The following AGAP1 variants were observed in gnomAD, a reference collection of about 807,000 sequenced individuals.
The protein encoded by AGAP1 is arf-GAP with GTPase, ANK repeat and PH domain-containing protein 1.
Under a neutral mutation model 105.3 loss-of-function variants are expected in AGAP1, and 29 were observed. The ratio of observed to expected loss-of-function variants is 0.28; its 90% confidence interval spans 0.21 to 0.38. The LOEUF (loss-of-function observed/expected upper bound fraction) is 0.38, where lower values mean the gene tolerates loss of function less well. AGAP1 is among the 10% of genes least tolerant of loss of function. AGAP1 has a pLI of 1.00. For synonymous variants in AGAP1, 509 were observed against 485.9 expected, an observed-to-expected ratio of 1.05 and a Z score of -0.63; for missense variants, 998 against 1,165.1, an observed-to-expected ratio of 0.86 and a Z score of 2.09.
chr2:235,808,959 C>A (rs1040958218), intron 9 of AGAP1, among the ~76,000 whole-genome samples: 4 of 152,082 alleles, frequency 2.6e-5, no homozygotes, highest in African/African-American at 9.7e-5. Context: ...AATTTTTATG[C>A]CACTGATACC....
At position 235,981,559 on chromosome 2, in the gene AGAP1, G is replaced by A. The variant is rs903132822; in HGVS notation, c.1645+12936G>A. 1.5e-4 allele frequency among the ~76,000 whole-genome samples: 23 copies of A among 151,992 alleles called. No homozygotes were observed. The highest frequency in any genetic ancestry group is 4.8e-4 in the African/African-American group (20 of 41,384). ...CATTTAGTGATGCCTCTTTCAAAGA[G>A]GAAATCAATCACGAAACAGAAACTC... On this transcript the variant is annotated intron_variant, in intron 13 of 17. Transcript: ENST00000304032. The surrounding 1 kb of genome is among the most constrained non-coding windows in gnomAD (Gnocchi z 5.5).
chr2:236,052,100 A>C (rs1037346313), intron 16 of AGAP1, among the ~76,000 whole-genome samples: 1 of 152,152 alleles, frequency 6.6e-6, no homozygotes, highest in Non-Finnish European at 1.5e-5. Context: ...AACAGCTGGA[A>C]GGTTCTTTTA....
At position 236,042,965 on chromosome 2, in the gene AGAP1, T is replaced by A. The variant is rs575431417; in HGVS notation, c.1891+2124T>A. On this transcript the variant is annotated intron_variant, in intron 15 of 17. Coordinates refer to ENST00000304032, the MANE Select transcript of AGAP1 (RefSeq NM_001037131.3). The surrounding 1 kb of genome is among the most constrained non-coding windows in gnomAD (Gnocchi z 5.6). ...GTGGGCCCCACTTAAAGGGGAGGAA[T>A]TGAGGAGCCTGAAGGGTCAAGTCAT... 3.3e-5 allele frequency among the ~76,000 whole-genome samples: 5 copies of A among 152,274 alleles called. No homozygotes were observed. Among genetic ancestry groups the A allele is most frequent in the Admixed American group, 3.3e-4 (5 of 15,292 alleles).
intron 1 of AGAP1, among the ~76,000 whole-genome samples, chr2:235,522,187 G>A (rs1574755705): frequency 6.6e-6 from 1 of 152,146 alleles, no homozygotes; most frequent in African/African-American, 2.4e-5. Flanking sequence ...AACATTGTTC[G>A]TGTGCCCGAC....
chr2:235,941,078 A>G (rs1047739691), intron 12 of AGAP1, among the ~76,000 whole-genome samples: 1 of 152,252 alleles, frequency 6.6e-6, no homozygotes, highest in Non-Finnish European at 1.5e-5. Context: ...ATATTGCTTT[A>G]GAAACTGGTT....
chr2:235,797,864 T>G lies in AGAP1; in HGVS notation c.779T>G (p.Val260Gly). The G allele has an allele frequency of 1.2e-6, 2 of 1,614,196 alleles. No homozygotes were observed. Among genetic ancestry groups the G allele is most frequent in the Non-Finnish European group, 1.7e-6 (2 of 1,180,038 alleles). The change falls in exon 7 of 18, where the codon GTG becomes GGG. Residue 260 changes from valine to glycine, a missense_variant. This residue lies in a region of AGAP1 where 735 missense variants were observed against 833.4 expected (regional missense o/e 0.88). Coordinates refer to ENST00000304032, the MANE Select transcript of AGAP1 (RefSeq NM_001037131.3). ...PSHSSVCSAQVSAVHISQTSN... is the reference protein window; with the variant it reads ...PSHSSVCSAQGSAVHISQTSN... ...CATTCCTCCGTCTGTTCCGCGCAGG[T>G]GTCTGCCGTGCACATCAGCCAGGTA...
chr2:235,586,478 T>G lies in AGAP1; in HGVS notation c.163+91629T>G, dbSNP rs550292384. Among the ~76,000 whole-genome samples, 2 of 152,326 alleles carry G rather than the reference T, an allele frequency of 1.3e-5. No individual in the cohort carries two copies. Among genetic ancestry groups the G allele is most frequent in the African/African-American group, 4.8e-5 (2 of 41,568 alleles). On this transcript the variant is annotated intron_variant, in intron 1 of 17. Coordinates refer to ENST00000304032, the MANE Select transcript of AGAP1 (RefSeq NM_001037131.3). This position sits in a 1 kb window ranked among gnomAD's most constrained non-coding sequence, Gnocchi z 4.2. The stretch of plus-strand genomic sequence containing the variant: ...GCAGCTGTTATGTGGTGTGTTGGAT[T>G]CACAGCAGTCAAGGCTGCCACGAGC...
intron 9 of AGAP1, among the ~76,000 whole-genome samples, chr2:235,819,429 T>C (rs975754818): frequency 3.3e-5 from 5 of 152,170 alleles, no homozygotes; most frequent in Middle Eastern, 3.2e-3. Context: ...ATTGTATTTC[T>C]GTGTTCTCAA....
At chr2:235,763,060 GCGCGCGCGCACAC>G (rs1559452792) in intron 6 of AGAP1, among the ~76,000 whole-genome samples, 14 of 105,840 alleles carry the variant, frequency 1.3e-4, no homozygotes, top group Non-Finnish European at 2.6e-4. Flanking sequence ...GTATGTGTGC[GCGCGCGCGCACAC>G]GTGCACCTGC....
At position 235,830,153 on chromosome 2, in the gene AGAP1, T is replaced by C. The variant is rs867565533; in HGVS notation, c.1050+22822T>C. Reference sequence around the variant, plus strand: ...AGTACTTGCCAAGGCAAGGCCACCGTGATCCGAGACTGGGAGGCCCAGAAA... The same window carrying C: ...AGTACTTGCCAAGGCAAGGCCACCGCGATCCGAGACTGGGAGGCCCAGAAA... On this transcript the variant is annotated intron_variant, in intron 9 of 17. Transcript: ENST00000304032. The surrounding 1 kb of genome is among the most constrained non-coding windows in gnomAD (Gnocchi z 5.5). Among the ~76,000 whole-genome samples the C allele has an allele frequency of 3.9e-5, 6 of 152,202 alleles. No individual in the cohort carries two copies. Among genetic ancestry groups the C allele is most frequent in the African/African-American group, 1.2e-4 (5 of 41,520 alleles).
chr2:235,812,593 T>C (rs1958210671), intron 9 of AGAP1, among the ~76,000 whole-genome samples: 1 of 152,256 alleles, frequency 6.6e-6, no homozygotes, highest in African/African-American at 2.4e-5. Context: ...CACAGCGAGT[T>C]GGTTGACTGC....
chr2:235,692,094 TGC>T lies in AGAP1; in HGVS notation c.164-17082_164-17081del, dbSNP rs1949760004. On this transcript the variant is annotated intron_variant, in intron 1 of 17. Coordinates refer to ENST00000304032, the MANE Select transcript of AGAP1 (RefSeq NM_001037131.3). The surrounding 1 kb of genome is among the most constrained non-coding windows in gnomAD (Gnocchi z 5.8). Reference sequence around the variant, plus strand: ...AAACAAAATAAATTCAGACCCCAAGTGCGCATATTGAGTTTGAATATTCATCT... The same window carrying T: ...AAACAAAATAAATTCAGACCCCAAGTGCATATTGAGTTTGAATATTCATCT... Among the ~76,000 whole-genome samples the T allele has an allele frequency of 6.6e-6, 1 of 152,108 alleles. No individual in the cohort carries two copies. Among genetic ancestry groups the T allele is most frequent in the Non-Finnish European group, 1.5e-5 (1 of 68,022 alleles).
chr2:236,118,535 GC>G (rs965199706), intron 16 of AGAP1, among the ~76,000 whole-genome samples: 4 of 151,664 alleles, frequency 2.6e-5, no homozygotes, highest in African/African-American at 9.7e-5. Context: ...GATTACAGGC[GC>G]CTGCCACCAC....
rs568366514 is a variant in AGAP1 at position 235,874,976 on chromosome 2, G to T, written c.1051-8369G>T. Among the ~76,000 whole-genome samples the T allele has an allele frequency of 2.0e-5, 3 of 152,288 alleles. No individual in the cohort carries two copies. Among genetic ancestry groups the T allele is most frequent in the Admixed American group, 2.0e-4 (3 of 15,304 alleles). On this transcript the variant is annotated intron_variant, in intron 9 of 17. Coordinates refer to ENST00000304032, the MANE Select transcript of AGAP1 (RefSeq NM_001037131.3). This position sits in a 1 kb window ranked among gnomAD's most constrained non-coding sequence, Gnocchi z 4.5. The stretch of plus-strand genomic sequence containing the variant: ...CCTCTTGTGAAGCGGAAGCAAACTA[G>T]AAACAGCTCTCCCAAACGTGGGCAA...
At position 235,951,689 on chromosome 2, in the gene AGAP1, G is replaced by A. The variant is rs1308686211; in HGVS notation, c.1484-16773G>A. ...TGTTGTTTCTCACTGATTCATTCTC[G>A]GGAATCGCTTGTTGTCTGTTGGTAC... is the stretch of plus-strand genomic sequence containing the variant. On this transcript the variant is annotated intron_variant, in intron 12 of 17. Transcript: ENST00000304032. The surrounding 1 kb of genome is among the most constrained non-coding windows in gnomAD (Gnocchi z 4.2). Among the ~76,000 whole-genome samples, 3 of 152,110 alleles carry A rather than the reference G, an allele frequency of 2.0e-5. No individual in the cohort carries two copies. The highest frequency in any genetic ancestry group is 4.8e-5 in the African/African-American group (2 of 41,408).
chr2:235,549,525 G>A lies in AGAP1; in HGVS notation c.163+54676G>A, dbSNP rs1943735132. Among the ~76,000 whole-genome samples the A allele has an allele frequency of 6.6e-6, 1 of 152,194 alleles. No homozygotes were observed. The highest frequency in any genetic ancestry group is 2.1e-4 in the South Asian group (1 of 4,828). ...CAGCCTTGCTGTTCTAGATGGTGTT[G>A]GCAGCCTTTTTCACGTACAGAGTTG... On this transcript the variant is annotated intron_variant, in intron 1 of 17. Transcript: ENST00000304032. This position sits in a 1 kb window ranked among gnomAD's most constrained non-coding sequence, Gnocchi z 4.2.
Position 235,744,581 on chromosome 2 carries a change from G to A in AGAP1, c.397-117G>A, listed in dbSNP as rs750015011. On this transcript the variant is annotated intron_variant, in intron 4 of 17. Transcript: ENST00000304032. This position sits in a 1 kb window ranked among gnomAD's most constrained non-coding sequence, Gnocchi z 5.2. ...GTGACAGTCAAAAGTCAAGCACCCA[G>A]TGTGTGACCGAGGGGATTCCTGCAG... is the stretch of plus-strand genomic sequence containing the variant. 25 of 1,267,474 alleles carry A rather than the reference G, an allele frequency of 2.0e-5. No individual in the cohort carries two copies. The highest frequency in any genetic ancestry group is 4.4e-5 in the African/African-American group (3 of 67,600). 78.5% of individuals were successfully genotyped at this position (1,267,474 alleles called of 1,614,324 possible).
Position 236,044,579 on chromosome 2 carries a change from C to T in AGAP1, c.1891+3738C>T, listed in dbSNP as rs913433169. On this transcript the variant is annotated intron_variant, in intron 15 of 17. Coordinates refer to ENST00000304032, the MANE Select transcript of AGAP1 (RefSeq NM_001037131.3). The surrounding 1 kb of genome is among the most constrained non-coding windows in gnomAD (Gnocchi z 5.7). ...TCCTGCCTTATTTCCCTTTGTGAAC[C>T]CCAGGCCTGCACACAAGAGGGGACT... 1.3e-5 allele frequency among the ~76,000 whole-genome samples: 2 copies of T among 152,128 alleles called. No homozygotes were observed. The highest frequency in any genetic ancestry group is 2.9e-5 in the Non-Finnish European group (2 of 68,032).
chr2:235,761,103 T>C (rs1954399945), intron 6 of AGAP1, among the ~76,000 whole-genome samples: 1 of 152,202 alleles, frequency 6.6e-6, no homozygotes, highest in Admixed American at 6.5e-5. Flanking sequence ...GGAATTTTGA[T>C]TCTTTCAGAA....
Sources: allele counts gnomAD v4.1 joint callset (sites outside exome capture counted in the v4.1 genomes callset), GRCh38; gene constraint gnomAD v4.1.1; regional missense constraint gnomAD v4.1.1; non-coding constraint Gnocchi (gnomAD v3.1); transcripts MANE v1.5; gene names NCBI Gene and HGNC (gene_info 2026-07-23, HGNC 2026-07-21).